The following C2orf76 variants were observed in gnomAD, a reference collection of about 807,000 sequenced individuals.
C2orf76 encodes the protein UPF0538 protein C2orf76.
C2orf76 carries 23 observed loss-of-function variants against 16.9 expected under a neutral mutation model. The observed-to-expected ratio is 1.36, with a 90% CI of 0.98 to 1.93. The LOEUF is 1.93. C2orf76 is among the 30% of genes most tolerant of loss of function. The pLI is 0.00. For synonymous variants in C2orf76, 48 were observed against 52.3 expected (o/e 0.92, Z 0.35); for missense variants, 152 against 152.6 (o/e 1.00, Z 0.02).
downstream of C2orf76, among the ~76,000 whole-genome samples, chr2:119,299,850 AAT>A (rs1232380299): frequency 6.6e-6 from 1 of 152,208 alleles, no homozygotes; most frequent in Non-Finnish European, 1.5e-5. Flanking sequence ...AAACAAATGG[AAT>A]ATGTTTTAAC....
intron 1 of C2orf76, among the ~76,000 whole-genome samples, chr2:119,348,452 C>G (rs1680275339): frequency 6.6e-6 from 1 of 152,088 alleles, no homozygotes; most frequent in African/African-American, 2.4e-5. Context: ...TTTGGGAGGT[C>G]AAGGCGGGTG....
upstream of C2orf76, chr2:119,366,835 G>A: frequency 3.3e-6 from 2 of 608,678 alleles, no homozygotes; most frequent in East Asian, 6.0e-5. Flanking sequence ...TTGCGCAAGC[G>A]GTCCCACGTG....
chr2:119,331,262 T>C (rs183848333), intron 2 of C2orf76, among the ~76,000 whole-genome samples: 12 of 152,320 alleles, frequency 7.9e-5, no homozygotes, highest in Non-Finnish European at 1.8e-4. Flanking sequence ...CAGAATTCAG[T>C]CTACAGCTAA....
the C2orf76 span, among the ~76,000 whole-genome samples, chr2:119,284,658 G>A: frequency 1.3e-5 from 2 of 151,166 alleles, no homozygotes; most frequent in South Asian, 2.1e-4. Flanking sequence ...TCCATATAGT[G>A]GGTGGGTTGT....
chr2:119,320,291 T>C (rs1197807040), intron 3 of C2orf76, among the ~76,000 whole-genome samples: 1 of 150,934 alleles, frequency 6.6e-6, no homozygotes, highest in East Asian at 1.9e-4. Flanking sequence ...TTTAAGGCTA[T>C]ATTTCAAGAC....
intron 2 of C2orf76, among the ~76,000 whole-genome samples, chr2:119,338,486 T>G (rs980590935): frequency 1.3e-5 from 2 of 152,206 alleles, no homozygotes; most frequent in Non-Finnish European, 2.9e-5. Context: ...TCTAAAATTT[T>G]ACTGTTCTTT....
intron 1 of C2orf76, among the ~76,000 whole-genome samples, chr2:119,341,050 G>A (rs13010156): frequency 0.24 from 36,478 of 151,882 alleles, 4,703 homozygotes; most frequent in Middle Eastern, 0.3. Context: ...GCCCTGGGAC[G>A]ACAGAGCAGT....
chr2:119,367,035 C>A, upstream of C2orf76: 1 of 1,614,104 alleles, frequency 6.2e-7, no homozygotes, highest in Non-Finnish European at 8.5e-7. Flanking sequence ...CCCTGGAGTT[C>A]TTGCAAGTCG....
upstream of C2orf76, chr2:119,367,097 CG>C (rs1558804087): frequency 6.2e-7 from 1 of 1,612,790 alleles, no homozygotes. Flanking sequence ...GAAGGTGCAG[CG>C]GGCGGGAGGC....
chr2:119,327,336 A>ATTT (rs34185420), intron 2 of C2orf76, among the ~76,000 whole-genome samples: 11,680 of 68,822 alleles, frequency 0.17, 2,666 homozygotes, highest in Non-Finnish European at 0.2. Context: ...AATTACATGG[A>ATTT]TTTTTTTTTT....
At chr2:119,296,832 G>A in the C2orf76 span, among the ~76,000 whole-genome samples, 2 of 152,346 alleles carry the variant, frequency 1.3e-5, no homozygotes, top group South Asian at 4.1e-4. Flanking sequence ...CTGTAAAGGG[G>A]CGCCAACAAT....
chr2:119,339,820 C>T lies in C2orf76; in HGVS notation c.133+7G>A, dbSNP rs1679967243. ...TAGTAAAACAAAATGGCTTTCACAT[C>T]TCATACCTTGCTTTAGAAATACGAT... On this transcript the variant is annotated splice_region_variant and intron_variant, in intron 2 of 5. Coordinates refer to ENST00000334816, the MANE Select transcript of C2orf76 (RefSeq NM_001322331.2). 1 of 1,593,160 alleles carries T rather than the reference C, an allele frequency of 6.3e-7. No homozygotes were observed. The highest frequency in any genetic ancestry group is 8.6e-7 in the Non-Finnish European group (1 of 1,162,786).
intron 4 of C2orf76, among the ~76,000 whole-genome samples, chr2:119,315,936 T>C (rs1161180311): frequency 2.0e-5 from 3 of 152,250 alleles, no homozygotes. Flanking sequence ...TGATGAACTA[T>C]GTCTCCACTA....
chr2:119,336,754 A>C (rs1679858916), intron 2 of C2orf76, among the ~76,000 whole-genome samples: 2 of 152,170 alleles, frequency 1.3e-5, no homozygotes, highest in African/African-American at 4.8e-5. Flanking sequence ...CTTTCTTCAC[A>C]ATGCCCATTT....
chr2:119,325,457 C>CAAAAAA (rs59581840), intron 2 of C2orf76, among the ~76,000 whole-genome samples: 10 of 59,768 alleles, frequency 1.7e-4, no homozygotes, highest in East Asian at 5.9e-4. Flanking sequence ...AAGACTGTCT[C>CAAAAAA]AAAAAAAAAA....
At chr2:119,346,873 G>A (rs1256169893) in intron 1 of C2orf76, among the ~76,000 whole-genome samples, 1 of 152,126 alleles carries the variant, frequency 6.6e-6, no homozygotes. Context: ...CAATTTCCCG[G>A]CTGTAAAATT....
chr2:119,295,555 G>A, the C2orf76 span, among the ~76,000 whole-genome samples: 13 of 152,096 alleles, frequency 8.5e-5, no homozygotes, highest in Non-Finnish European at 1.3e-4. Context: ...GTCCTGTGAA[G>A]GAGTCACAGC....
At chr2:119,335,900 T>C (rs1190167476) in intron 2 of C2orf76, among the ~76,000 whole-genome samples, 1 of 152,168 alleles carries the variant, frequency 6.6e-6, no homozygotes, top group Non-Finnish European at 1.5e-5. Flanking sequence ...AGTGTTCTTT[T>C]TCATAGTTGG....
rs141578936 is a variant in C2orf76 at position 119,305,802 on chromosome 2, G to C, written c.305-3254C>G. 2.0e-3 allele frequency among the ~76,000 whole-genome samples: 297 copies of C among 152,096 alleles called. 3 individuals carry two copies. Among genetic ancestry groups the C allele is most frequent in the African/African-American group, 7.0e-3 (289 of 41,476 alleles). ...GCTCACAGCTGAGTTATATTTCTAA[G>C]TTTTCATCACCAACAGACGTCCCAA... is the stretch of plus-strand genomic sequence containing the variant. On this transcript the variant is annotated intron_variant, in intron 5 of 5. Transcript: ENST00000334816.
Sources: allele counts gnomAD v4.1 joint callset (sites outside exome capture counted in the v4.1 genomes callset), GRCh38; gene constraint gnomAD v4.1.1; transcripts MANE v1.5; gene names NCBI Gene and HGNC (gene_info 2026-07-23, HGNC 2026-07-21).